The following KAT2B variants were observed in gnomAD, a reference collection of about 807,000 sequenced individuals.
The protein encoded by KAT2B is lysine acetyltransferase 2B.
In KAT2B, 36 loss-of-function variants were observed where a neutral mutation model predicts 105.9. That is an observed-to-expected ratio of 0.34 (90% CI 0.26 to 0.45). KAT2B has a LOEUF of 0.45. KAT2B is among the 20% of genes least tolerant of loss of function. KAT2B has a pLI of 1.00. For synonymous variants in KAT2B, 397 were observed against 377.9 expected, an observed-to-expected ratio of 1.05 and a Z score of -0.59; for missense variants, 820 against 1,021.6, an observed-to-expected ratio of 0.80 and a Z score of 2.69.
chr3:20,057,561 C>T (rs1381467542), intron 1 of KAT2B, among the ~76,000 whole-genome samples: 2 of 152,154 alleles, frequency 1.3e-5, no homozygotes, highest in African/African-American at 2.4e-5. Flanking sequence ...TCCACTGTGT[C>T]GAAGTCTGAG....
At chr3:20,100,361 G>A (rs1345010840) in intron 4 of KAT2B, among the ~76,000 whole-genome samples, 1 of 152,004 alleles carries the variant, frequency 6.6e-6, no homozygotes, top group South Asian at 2.1e-4. Flanking sequence ...TGTAAGTCAA[G>A]CAAAAAAAGC....
intron 2 of KAT2B, among the ~76,000 whole-genome samples, chr3:20,078,628 C>G (rs1698463090): frequency 6.6e-6 from 1 of 151,988 alleles, no homozygotes; most frequent in South Asian, 2.1e-4. Flanking sequence ...ATCTGCCCAC[C>G]TCGGCCTCCC....
At chr3:20,078,493 C>T (rs2125185336) in intron 2 of KAT2B, among the ~76,000 whole-genome samples, 1 of 151,946 alleles carries the variant, frequency 6.6e-6, no homozygotes, top group East Asian at 2.0e-4. Flanking sequence ...TCACTTCAGC[C>T]TCTCGAGTAG....
intron 1 of KAT2B, among the ~76,000 whole-genome samples, chr3:20,059,262 A>C (rs1197179287): frequency 6.6e-6 from 1 of 151,780 alleles, no homozygotes; most frequent in Non-Finnish European, 1.5e-5. Flanking sequence ...AAAATACAAA[A>C]ATTAGCCAGG....
In KAT2B at chr3:20,153,557, C is replaced by T. The variant is rs1699902937; in HGVS notation, c.*1032C>T. 6.6e-6 allele frequency: 1 copy of T among 152,586 alleles called. No homozygotes were observed. The highest frequency in any genetic ancestry group is 1.5e-5 in the Non-Finnish European group (1 of 68,008). 9.5% of individuals were successfully genotyped at this position (152,586 alleles called of 1,614,324 possible). ...CCAGGGTTTGCTGTCAGTATTTTAA[C>T]ACCCACATTAGTATATGCGTCCAGG... On this transcript the variant is annotated 3_prime_UTR_variant, in exon 18 of 18. Transcript: ENST00000263754.
At chr3:20,147,882 T>G (rs1699805119) in intron 14 of KAT2B, 81 bp from the exon 15 acceptor site, 1 of 1,325,692 alleles carries the variant, frequency 7.5e-7, no homozygotes. Flanking sequence ...CTATAATTTC[T>G]TGTTTTTGAT....
At chr3:20,063,914 C>A (rs1034933570) in intron 1 of KAT2B, among the ~76,000 whole-genome samples, 6 of 152,104 alleles carry the variant, frequency 3.9e-5, no homozygotes, top group Non-Finnish European at 2.9e-5. Context: ...AGCTAAGGGT[C>A]CAGCTTCATT....
chr3:20,126,345 A>T (rs970984427), intron 10 of KAT2B, among the ~76,000 whole-genome samples: 2 of 152,238 alleles, frequency 1.3e-5, no homozygotes, highest in South Asian at 2.1e-4. Context: ...TACATTGCTG[A>T]TGACTCTCCT....
chr3:20,079,202 CT>C (rs61697250), intron 2 of KAT2B, among the ~76,000 whole-genome samples: 22,537 of 102,198 alleles, frequency 0.22, 1,767 homozygotes, highest in South Asian at 0.34. Context: ...CACCTGGCCT[CT>C]TTTTTTTTTT....
At chr3:20,111,845 C>A in intron 6 of KAT2B, 58 bp downstream of exon 6, 1 of 1,348,266 alleles carries the variant, frequency 7.4e-7, no homozygotes, top group South Asian at 1.3e-5. Flanking sequence ...TTGCTAAATA[C>A]AATGCCAAAG....
chr3:20,099,382 C>A lies in KAT2B; in HGVS notation c.577-480C>A, dbSNP rs1225242185. 3.9e-5 allele frequency among the ~76,000 whole-genome samples: 6 copies of A among 152,336 alleles called. No individual in the cohort carries two copies. The East Asian group carries it at 1.2e-3, about 29-fold the overall frequency. On this transcript the variant is annotated intron_variant, in intron 3 of 17. Coordinates refer to ENST00000263754, the MANE Select transcript of KAT2B (RefSeq NM_003884.5). ...GTAGACAGCTCCTGTCCCCTGGCCTCTTTTGTGCAGAATAGATCTTGGTCT... is the reference window on the plus strand; with the variant it reads ...GTAGACAGCTCCTGTCCCCTGGCCTATTTTGTGCAGAATAGATCTTGGTCT...
intron 5 of KAT2B, among the ~76,000 whole-genome samples, chr3:20,110,281 T>C (rs1575139612): frequency 6.6e-6 from 1 of 152,208 alleles, no homozygotes; most frequent in African/African-American, 2.4e-5. Flanking sequence ...CTTTTTGACC[T>C]TTTCCTCGTT....
chr3:20,066,953 T>C (rs975283687), intron 1 of KAT2B, among the ~76,000 whole-genome samples: 23 of 152,318 alleles, frequency 1.5e-4, no homozygotes, highest in African/African-American at 5.1e-4. Context: ...TTATTGCCAA[T>C]TTTTAAAGAC....
At chr3:20,149,728 A>G (rs903588305) in intron 17 of KAT2B, among the ~76,000 whole-genome samples, 1 of 152,088 alleles carries the variant, frequency 6.6e-6, no homozygotes, top group African/African-American at 2.4e-5. Flanking sequence ...CTGACTTACC[A>G]CTATTTATTT....
intron 2 of KAT2B, among the ~76,000 whole-genome samples, chr3:20,086,553 A>G (rs1698619215): frequency 6.6e-6 from 1 of 152,162 alleles, no homozygotes; most frequent in African/African-American, 2.4e-5. Flanking sequence ...GTGAGCCAAG[A>G]TCGCACCATT....
intron 2 of KAT2B, among the ~76,000 whole-genome samples, chr3:20,083,375 G>C (rs1698554291): frequency 6.6e-6 from 1 of 152,208 alleles, no homozygotes; most frequent in Non-Finnish European, 1.5e-5. Context: ...AAAAGGTTAA[G>C]AGAAGGGTTT....
At chr3:20,122,631 AC>A (rs774797002) in intron 8 of KAT2B, 36 bp from the exon 9 acceptor site, 2 of 1,558,204 alleles carry the variant, frequency 1.3e-6, no homozygotes, top group South Asian at 2.3e-5. Context: ...TGTGTTTAGA[AC>A]CACCCATTGT....
In KAT2B at chr3:20,148,239, C is replaced by T. The variant is rs1360362673; in HGVS notation, c.2157-4C>T. 2 of 1,611,428 alleles carry T rather than the reference C, an allele frequency of 1.2e-6. No individual in the cohort carries two copies. Among genetic ancestry groups the T allele is most frequent in the East Asian group, 2.2e-5 (1 of 44,858 alleles). On this transcript the variant is annotated splice_region_variant and splice_polypyrimidine_tract_variant and intron_variant, in intron 15 of 17. Coordinates refer to ENST00000263754, the MANE Select transcript of KAT2B (RefSeq NM_003884.5). ...TGCTCCTTGTTTCCCTTTTTCCTTTCAAGTAAAGAGCCCAGAGACCCTGAC... is the reference window on the plus strand; with the variant it reads ...TGCTCCTTGTTTCCCTTTTTCCTTTTAAGTAAAGAGCCCAGAGACCCTGAC...
At chr3:20,098,791 C>T (rs1698857382) in intron 3 of KAT2B, among the ~76,000 whole-genome samples, 1 of 152,132 alleles carries the variant, frequency 6.6e-6, no homozygotes. Context: ...GGGCATAATA[C>T]TTGAAAGGAT....
Sources: allele counts gnomAD v4.1 joint callset (sites outside exome capture counted in the v4.1 genomes callset), GRCh38; gene constraint gnomAD v4.1.1; transcripts MANE v1.5; gene names NCBI Gene and HGNC (gene_info 2026-07-23, HGNC 2026-07-21).